Variants in PHF2 observed in about 807,000 individuals in gnomAD.
PHF2 encodes PHD finger protein 2.
A neutral mutation model predicts 120.5 loss-of-function variants in PHF2; 27 were observed. That is an observed-to-expected ratio of 0.22 (90% CI 0.17 to 0.31). The LOEUF is 0.31. Ranked by LOEUF, PHF2 falls within the 10% of genes least tolerant of loss-of-function variation. The probability of loss-of-function intolerance (pLI) is 1.00; values close to 1 mark genes in which losing one functional copy is unlikely to be tolerated. For missense variants in PHF2, 1,024 were observed against 1,434.8 expected (o/e 0.71, Z 4.63); for synonymous variants, 568 against 592.5 (o/e 0.96, Z 0.60).
At chr9:93,615,223 G>T (rs1396119535) in intron 1 of PHF2, among the ~76,000 whole-genome samples, 5 of 150,666 alleles carry the variant, frequency 3.3e-5, no homozygotes, top group African/African-American at 1.2e-4. Flanking sequence ...GATGGTGATA[G>T]TAATGGTGAT....
At chr9:93,654,291 T>C in intron 6 of PHF2, 122 bp from the exon 7 acceptor site, 1 of 809,660 alleles carries the variant, frequency 1.2e-6, no homozygotes, top group Non-Finnish European at 2.0e-6. Flanking sequence ...ACCTGTGCCC[T>C]CAGTGTTGCA....
intron 11 of PHF2, among the ~76,000 whole-genome samples, chr9:93,659,868 C>G (rs1443448954): frequency 6.6e-6 from 1 of 152,326 alleles, no homozygotes; most frequent in East Asian, 1.9e-4. Flanking sequence ...GGGGAGGGCA[C>G]TCTGTGGGAG....
intron 1 of PHF2, among the ~76,000 whole-genome samples, chr9:93,625,188 A>G (rs1188638737): frequency 6.6e-6 from 1 of 152,174 alleles, no homozygotes; most frequent in African/African-American, 2.4e-5. Context: ...GGATATACCT[A>G]TTGTAAACAT....
chr9:93,631,349 A>G (rs1192625096), intron 2 of PHF2, among the ~76,000 whole-genome samples: 1 of 152,150 alleles, frequency 6.6e-6, no homozygotes, highest in African/African-American at 2.4e-5. Context: ...CTCAACAAAT[A>G]TGCAAGCGGG....
chr9:93,580,795 G>A (rs1564370041), intron 1 of PHF2, among the ~76,000 whole-genome samples: 1 of 152,318 alleles, frequency 6.6e-6, no homozygotes, highest in East Asian at 1.9e-4. Flanking sequence ...AGAGCTGGCT[G>A]TGAGGGCCCA....
At position 93,576,731 on chromosome 9, in the gene PHF2, G is replaced by T. The variant is rs1335015414; in HGVS notation, c.-43G>T. ...CCCCGGCCCGGCCCGGACCGACCCG[G>T]GCAGCGCAGCGGCGGGGCCGAGCGG... is the stretch of plus-strand genomic sequence containing the variant. On this transcript the variant is annotated 5_prime_UTR_variant, in exon 1 of 22. Coordinates refer to ENST00000359246, the MANE Select transcript of PHF2 (RefSeq NM_005392.4). 9.8e-7 allele frequency: 1 copy of T among 1,025,524 alleles called. No homozygotes were observed. The highest frequency in any genetic ancestry group is 1.2e-6 in the Non-Finnish European group (1 of 821,272). The allele number at this position is 1,025,524 out of a possible 1,614,324, so 63.5% of individuals were successfully genotyped here. A position where few individuals can be genotyped will look rare whatever the true frequency, so the allele number is the denominator to read the frequency against.
At chr9:93,671,227 TGTGTGGGAGTAGGC>T (rs1826780814) in intron 17 of PHF2, 2 of 956,858 alleles carry the variant, frequency 2.1e-6, no homozygotes, top group Non-Finnish European at 2.5e-6. Flanking sequence ...TAGTTGCAGG[TGTGTGGGAGTAGGC>T]ACAGGTGTAG....
intron 1 of PHF2, among the ~76,000 whole-genome samples, chr9:93,585,727 A>G (rs1378183757): frequency 6.6e-6 from 1 of 152,198 alleles, no homozygotes; most frequent in African/African-American, 2.4e-5. Flanking sequence ...TCACCCCACA[A>G]TTCCAGATCA....
At chr9:93,623,632 A>G (rs570655509) in intron 1 of PHF2, among the ~76,000 whole-genome samples, 30 of 152,064 alleles carry the variant, frequency 2.0e-4, no homozygotes, top group African/African-American at 6.3e-4. Flanking sequence ...TTCCTTTCCA[A>G]TTTTTCTTTG....
At chr9:93,645,192 G>A (rs921572875) in intron 3 of PHF2, among the ~76,000 whole-genome samples, 1 of 152,192 alleles carries the variant, frequency 6.6e-6, no homozygotes, top group African/African-American at 2.4e-5. Flanking sequence ...GCTGTGATTC[G>A]GTGGCCCTGC....
intron 13 of PHF2, 32 bp downstream of exon 13, chr9:93,663,058 G>A: frequency 1.2e-6 from 2 of 1,613,286 alleles, no homozygotes; most frequent in Non-Finnish European, 1.7e-6. Context: ...GCACACGTGT[G>A]TGTGTCAGCT....
At position 93,636,461 on chromosome 9, in the gene PHF2, G is replaced by T. The variant is rs765245891; in HGVS notation, c.235G>T (p.Val79Phe). 1.2e-5 allele frequency: 20 copies of T among 1,610,332 alleles called. No individual in the cohort carries two copies. The highest frequency in any genetic ancestry group is 1.7e-5 in the Non-Finnish European group (20 of 1,178,544). The change falls in exon 3 of 22, where the codon GTC becomes TTC. Residue 79 changes from valine to phenylalanine, a missense_variant. Val to Phe is a conservative substitution (Grantham distance 50). Around this residue, in one of 2 missense-constraint regions of PHF2, gnomAD observed 347 missense variants for 577.4 expected, o/e 0.60. Transcript: ENST00000359246. ...HKHGPGQAPD[V>F]KPVQNGSQLF... ...ACACGGCCCGGGGCAAGCGCCTGAC[G>T]TCAAGCCCGTGCAGAATGGCAGCCA...
chr9:93,584,626 A>C (rs1017027116), intron 1 of PHF2, among the ~76,000 whole-genome samples: 1 of 152,184 alleles, frequency 6.6e-6, no homozygotes, highest in Non-Finnish European at 1.5e-5. Flanking sequence ...CCAGTACCAC[A>C]CTGCTTTGAT....
chr9:93,594,960 T>G (rs1825304657), intron 1 of PHF2: 1 of 153,762 alleles, frequency 6.5e-6, no homozygotes, highest in Non-Finnish European at 1.5e-5. Flanking sequence ...CTGCACAGGC[T>G]TTAAAGGAAT....
At chr9:93,675,104 G>A in intron 19 of PHF2, 82 bp downstream of exon 19, 1 of 1,112,070 alleles carries the variant, frequency 9.0e-7, no homozygotes, top group Non-Finnish European at 1.4e-6. Flanking sequence ...TCCAGCCCCT[G>A]AGAATGTGGG....
chr9:93,649,323 C>A, intron 5 of PHF2, 111 bp downstream of exon 5: 1 of 703,378 alleles, frequency 1.4e-6, no homozygotes, highest in Non-Finnish European at 2.4e-6. Context: ...GTCTGGAATA[C>A]TGCACATGGC....
chr9:93,658,000 G>C (rs1402313787), intron 9 of PHF2, 145 bp from the exon 10 acceptor site: 1 of 611,810 alleles, frequency 1.6e-6, no homozygotes, highest in Non-Finnish European at 2.9e-6. Context: ...AAGAGGAACT[G>C]TTGGCAGTTG....
intron 1 of PHF2, among the ~76,000 whole-genome samples, chr9:93,606,966 G>A (rs185497336): frequency 8.5e-5 from 13 of 152,220 alleles, no homozygotes; most frequent in African/African-American, 2.4e-4. Flanking sequence ...TTTTGTCTCC[G>A]TTGTATTGCT....
chr9:93,674,852 C>A, intron 18 of PHF2, 75 bp from the exon 19 acceptor site: 2 of 1,057,588 alleles, frequency 1.9e-6, no homozygotes, highest in Non-Finnish European at 2.9e-6. Flanking sequence ...TCTGCAGCCA[C>A]CTGTACCCCC....
Sources: allele counts gnomAD v4.1 joint callset (sites outside exome capture counted in the v4.1 genomes callset), GRCh38; gene constraint gnomAD v4.1.1; regional missense constraint gnomAD v4.1.1; transcripts MANE v1.5; gene names NCBI Gene and HGNC (gene_info 2026-07-23, HGNC 2026-07-21).